DLGAP1: variants seen among roughly 807,000 people sequenced by gnomAD.
The protein encoded by DLGAP1 is DLG associated protein 1.
A neutral mutation model predicts 90.8 loss-of-function variants in DLGAP1; 11 were observed. The ratio of observed to expected loss-of-function variants is 0.12; its 90% CI spans 0.08 to 0.20. DLGAP1 has a LOEUF of 0.20. Ranked by LOEUF, DLGAP1 falls within the 10% of genes least tolerant of loss-of-function variation. The probability of loss-of-function intolerance (pLI) is 1.00; values close to 1 mark genes in which losing one functional copy is unlikely to be tolerated. For synonymous variants in DLGAP1, 558 were observed against 540.7 expected, an observed-to-expected ratio of 1.03 and a Z score of -0.44; for missense variants, 1,050 against 1,333.8, an observed-to-expected ratio of 0.79 and a Z score of 3.31.
chr18:4,004,739 G>C (rs2074265875), intron 3 of DLGAP1, among the ~76,000 whole-genome samples: 1 of 152,066 alleles, frequency 6.6e-6, no homozygotes, highest in African/African-American at 2.4e-5. Context: ...AGACAACAAG[G>C]CACATTTAAG....
chr18:3,881,918 G>GAACA (rs34857331), intron 3 of DLGAP1, among the ~76,000 whole-genome samples: 9,535 of 152,126 alleles, frequency 0.063, 948 homozygotes, highest in African/African-American at 0.21. Flanking sequence ...GTCTGTCTCA[G>GAACA]AACAAACAAA....
chr18:4,394,689 T>C (rs1475782457), intron 1 of DLGAP1, among the ~76,000 whole-genome samples: 4 of 152,208 alleles, frequency 2.6e-5, no homozygotes, highest in African/African-American at 7.2e-5. Flanking sequence ...CCTATGCCAG[T>C]GTATCAGATA....
intron 6 of DLGAP1, among the ~76,000 whole-genome samples, chr18:3,731,898 C>T (rs1012965524): frequency 1.3e-5 from 2 of 152,060 alleles, no homozygotes; most frequent in African/African-American, 4.8e-5. Flanking sequence ...TCCACATGCC[C>T]CCATATTCAC....
chr18:3,737,561 C>T (rs543525640), intron 6 of DLGAP1, among the ~76,000 whole-genome samples: 15 of 151,448 alleles, frequency 9.9e-5, no homozygotes, highest in African/African-American at 3.6e-4. Context: ...AGGCCTTTGA[C>T]AAAATTCAAC....
chr18:3,597,129 C>G, intron 7 of DLGAP1: 1 of 519,450 alleles, frequency 1.9e-6, no homozygotes, highest in Non-Finnish European at 3.9e-6. Flanking sequence ...AAACTAGGAA[C>G]TTTGTTATTC....
chr18:4,318,872 T>C (rs145570143), intron 1 of DLGAP1, among the ~76,000 whole-genome samples: 9 of 152,312 alleles, frequency 5.9e-5, no homozygotes, highest in African/African-American at 1.4e-4. Flanking sequence ...GATGTTTTCA[T>C]TTAAAGACAC....
In DLGAP1 at chr18:4,354,887, C is replaced by CAAAAAAAAAAAAAAA. The variant is rs60379984; in HGVS notation, c.-267+100104_-267+100118dup. ...TGGCTTTTTCTGCAATTACTCTCACCAAAAAAAAAAAAAAAAAAAAAAAAA... is the reference window on the plus strand; with the variant it reads ...TGGCTTTTTCTGCAATTACTCTCACCAAAAAAAAAAAAAAAAAAAAAAAAAAAAAAAAAAAAAAAA... On this transcript the variant is annotated intron_variant, in intron 1 of 12. Transcript: ENST00000315677. Among the ~76,000 whole-genome samples the CAAAAAAAAAAAAAAA allele has an allele frequency of 1.0e-3, 25 of 23,874 alleles. 7 individuals are homozygous for CAAAAAAAAAAAAAAA. The highest frequency in any genetic ancestry group is 1.2e-3 in the African/African-American group (11 of 8,960). The allele number at this position is 23,874 out of a possible 152,430, so 15.7% of individuals were successfully genotyped here.
intron 9 of DLGAP1, among the ~76,000 whole-genome samples, chr18:3,536,835 T>C (rs541869151): frequency 7.8e-4 from 118 of 152,036 alleles, no homozygotes; most frequent in African/African-American, 2.3e-3. Context: ...GGGGAGAACA[T>C]GGGGAAGGTG....
At chr18:3,633,701 G>A (rs2058600244) in intron 7 of DLGAP1, among the ~76,000 whole-genome samples, 3 of 152,142 alleles carry the variant, frequency 2.0e-5, no homozygotes, top group African/African-American at 7.2e-5. Flanking sequence ...CTTAGATAAT[G>A]TGCTAAAAGC....
intron 1 of DLGAP1, among the ~76,000 whole-genome samples, chr18:4,439,194 C>T (rs918896478): frequency 2.0e-5 from 3 of 152,216 alleles, no homozygotes; most frequent in African/African-American, 7.2e-5. Flanking sequence ...CCTTCTTTCT[C>T]ACTAGCCCAT....
chr18:4,333,792 G>T (rs1384270338), intron 1 of DLGAP1, among the ~76,000 whole-genome samples: 2 of 150,814 alleles, frequency 1.3e-5, no homozygotes, highest in African/African-American at 4.9e-5. Context: ...GCTATTTTCA[G>T]GGTTTCACTG....
At chr18:4,099,373 G>C (rs2075741819) in intron 2 of DLGAP1, among the ~76,000 whole-genome samples, 1 of 151,030 alleles carries the variant, frequency 6.6e-6, no homozygotes, top group Non-Finnish European at 1.5e-5. Context: ...CTTTTTACAG[G>C]CATACCTTGG....
chr18:3,545,920 C>T (rs568137726), intron 9 of DLGAP1, among the ~76,000 whole-genome samples: 2 of 152,162 alleles, frequency 1.3e-5, no homozygotes, highest in South Asian at 4.2e-4. Flanking sequence ...CATAATATTC[C>T]TAAACATTTA....
intron 1 of DLGAP1, among the ~76,000 whole-genome samples, chr18:4,289,704 G>A (rs763816489): frequency 8.5e-5 from 13 of 152,110 alleles, no homozygotes; most frequent in Non-Finnish European, 1.3e-4. Flanking sequence ...ATGAGGAAAT[G>A]AGTAAACCTA....
At chr18:4,165,789 A>C (rs1476259840) in intron 1 of DLGAP1, among the ~76,000 whole-genome samples, 1 of 152,210 alleles carries the variant, frequency 6.6e-6, no homozygotes, top group Admixed American at 6.5e-5. Flanking sequence ...CCATACAAGG[A>C]GATCCACTCA....
At chr18:3,658,313 A>G (rs1488719531) in intron 7 of DLGAP1, among the ~76,000 whole-genome samples, 1 of 152,230 alleles carries the variant, frequency 6.6e-6, no homozygotes, top group African/African-American at 2.4e-5. Flanking sequence ...TTTAATTTGT[A>G]ATAATGGGCT....
chr18:3,675,152 A>G (rs959184389), intron 7 of DLGAP1, among the ~76,000 whole-genome samples: 8 of 152,042 alleles, frequency 5.3e-5, no homozygotes, highest in Admixed American at 2.6e-4. Context: ...GCTCGCTGCA[A>G]TCTTTGCCTC....
At chr18:4,198,531 T>C (rs923279562) in intron 1 of DLGAP1, among the ~76,000 whole-genome samples, 10 of 152,218 alleles carry the variant, frequency 6.6e-5, no homozygotes, top group African/African-American at 2.4e-4. Context: ...TGTCACCCTT[T>C]CTAATCCTTT....
At chr18:4,001,960 T>A (rs1301047501) in intron 3 of DLGAP1, among the ~76,000 whole-genome samples, 2 of 152,184 alleles carry the variant, frequency 1.3e-5, no homozygotes, top group African/African-American at 4.8e-5. Context: ...CCCTTTGTCC[T>A]CTTTTTATTT....
Sources: allele counts gnomAD v4.1 joint callset (sites outside exome capture counted in the v4.1 genomes callset), GRCh38; gene constraint gnomAD v4.1.1; transcripts MANE v1.5; gene names NCBI Gene and HGNC (gene_info 2026-07-23, HGNC 2026-07-21).